The following RBFOX1 variants were observed in gnomAD, a reference collection of about 807,000 sequenced individuals.
The protein encoded by RBFOX1 is RNA binding protein fox-1 homolog 1.
Under a neutral mutation model 57.7 loss-of-function variants are expected in RBFOX1, and 8 were observed. The ratio of observed to expected loss-of-function variants is 0.14; its 90% confidence interval spans 0.08 to 0.25. RBFOX1 has a LOEUF of 0.25. Ranked by LOEUF, RBFOX1 falls within the 10% of genes least tolerant of loss-of-function variation. The pLI is 1.00. For missense variants in RBFOX1, 611 were observed against 548.5 expected (o/e 1.11, Z -1.14); for synonymous variants, 326 against 222.4 (o/e 1.47, Z -4.15).
intron 4 of RBFOX1, among the ~76,000 whole-genome samples, chr16:7,116,419 G>C (rs900831100): frequency 6.6e-6 from 1 of 152,102 alleles, no homozygotes; most frequent in Non-Finnish European, 1.5e-5. Flanking sequence ...CAATATTGCA[G>C]TGAAATGCAC....
chr16:6,629,959 GTT>G (rs544517566), intron 2 of RBFOX1, among the ~76,000 whole-genome samples: 2 of 134,448 alleles, frequency 1.5e-5, no homozygotes, highest in Admixed American at 7.5e-5. Flanking sequence ...ATTTCGGTAG[GTT>G]TTTTTTTTTT....
At chr16:6,340,389 C>A (rs1479503502) in intron 2 of RBFOX1, among the ~76,000 whole-genome samples, 20 of 151,978 alleles carry the variant, frequency 1.3e-4, no homozygotes, top group Admixed American at 1.3e-3. Context: ...TAATTTAGGG[C>A]AAATCCACAG....
At chr16:6,264,958 G>A (rs962221171) in intron 1 of RBFOX1, among the ~76,000 whole-genome samples, 3 of 152,182 alleles carry the variant, frequency 2.0e-5, no homozygotes, top group African/African-American at 2.4e-5. Flanking sequence ...TGTGGGAACC[G>A]ACTCTGATAA....
chr16:6,456,980 G>T (rs1026767884), intron 2 of RBFOX1, among the ~76,000 whole-genome samples: 1 of 152,140 alleles, frequency 6.6e-6, no homozygotes, highest in Non-Finnish European at 1.5e-5. Context: ...CTTAGGAGAA[G>T]ATAGATGTTA....
At chr16:5,802,025 G>GA (rs763216337) in intron 3 of RBFOX1, among the ~76,000 whole-genome samples, 9 of 152,118 alleles carry the variant, frequency 5.9e-5, no homozygotes, top group Non-Finnish European at 1.3e-4. Context: ...AGGAAGAGGA[G>GA]ACCTTGACGG....
At chr16:5,926,445 G>A (rs1250000351) in intron 4 of RBFOX1, among the ~76,000 whole-genome samples, 6 of 152,166 alleles carry the variant, frequency 3.9e-5, no homozygotes, top group Admixed American at 3.9e-4. Flanking sequence ...GGAATCTAGT[G>A]TAGGCAGGGC....
rs576311802 is a variant in RBFOX1 at position 6,249,779 on chromosome 16, T to TC, written c.-126-67216_-126-67215insC. 1.7e-4 allele frequency among the ~76,000 whole-genome samples: 26 copies of TC among 151,264 alleles called. 2 individuals are homozygous for TC. Among genetic ancestry groups the TC allele is most frequent in the South Asian group, 1.3e-3 (6 of 4,762 alleles). On this transcript the variant is annotated intron_variant, in intron 1 of 15. Coordinates refer to ENST00000550418, the MANE Select transcript of RBFOX1 (RefSeq NM_018723.4). ...CAGCTTCACATTTTTTTTCTTTTTT[T>TC]TTTTTTTTATTATACTTTAAGTTTT...
At position 6,538,855 on chromosome 16, in the gene RBFOX1, C is replaced by G. The variant is rs1380023017; in HGVS notation, c.-63-115748C>G. On this transcript the variant is annotated intron_variant, in intron 2 of 15. Coordinates refer to ENST00000550418, the MANE Select transcript of RBFOX1 (RefSeq NM_018723.4). ...TTCAGTAGCCAATGTAAAATGGTGC[C>G]AAACTTACTATTTTAGATTGAAGGG... is the stretch of plus-strand genomic sequence containing the variant. Among the ~76,000 whole-genome samples the G allele has an allele frequency of 2.6e-5, 4 of 152,074 alleles. No individual in the cohort carries two copies. The South Asian group carries it at 8.3e-4, about 32-fold the overall frequency.
chr16:7,013,029 C>T (rs1568367500), intron 3 of RBFOX1, among the ~76,000 whole-genome samples: 1 of 152,084 alleles, frequency 6.6e-6, no homozygotes, highest in Non-Finnish European at 1.5e-5. Context: ...AAAGCAAGCC[C>T]TCTCTTTCTC....
chr16:7,463,579 G>C (rs557962889), intron 4 of RBFOX1, among the ~76,000 whole-genome samples: 1 of 152,110 alleles, frequency 6.6e-6, no homozygotes, highest in Non-Finnish European at 1.5e-5. Flanking sequence ...TTAAGGCCCC[G>C]TCTTCTAATA....
rs1181907817 is a variant in RBFOX1, at chr16:6,816,737, CA to C, written c.-16+162103del. On this transcript the variant is annotated intron_variant, in intron 3 of 15. Transcript: ENST00000550418. ...CCTGGGTGACAGAGCAAGACTGTCT[CA>C]AAAAAAAAAAAAAAAGGAAGAAAAG... is the stretch of plus-strand genomic sequence containing the variant. Among the ~76,000 whole-genome samples, 277 of 95,598 alleles carry C rather than the reference CA, an allele frequency of 2.9e-3. 1 individual carries two copies. Among genetic ancestry groups the C allele is most frequent in the East Asian group, 0.01 (32 of 3,200 alleles). 62.7% of individuals were successfully genotyped at this position (95,598 alleles called of 152,430 possible).
At chr16:7,158,948 C>T (rs573864683) in intron 4 of RBFOX1, among the ~76,000 whole-genome samples, 70 of 152,022 alleles carry the variant, frequency 4.6e-4, no homozygotes, top group African/African-American at 1.7e-3. Flanking sequence ...TTCATGTGGC[C>T]ACCAACACAG....
chr16:6,659,204 C>G (rs975822454), intron 3 of RBFOX1, among the ~76,000 whole-genome samples: 7 of 148,994 alleles, frequency 4.7e-5, no homozygotes, highest in Admixed American at 1.4e-4. Flanking sequence ...ATGGATCAGT[C>G]AGGGGGAGAA....
intron 3 of RBFOX1, 46 bp downstream of exon 3, chr16:6,654,696 C>A: frequency 7.0e-7 from 1 of 1,428,144 alleles, no homozygotes; most frequent in South Asian, 1.4e-5. Flanking sequence ...AAAACAAGAA[C>A]TCTGTGAATT....
intron 4 of RBFOX1, among the ~76,000 whole-genome samples, chr16:7,495,284 T>C (rs969127513): frequency 5.3e-5 from 8 of 152,226 alleles, no homozygotes; most frequent in African/African-American, 1.9e-4. Context: ...AACATACTTG[T>C]GCAGGTGTCT....
At chr16:5,721,003 C>A (rs1339318388) in intron 3 of RBFOX1, among the ~76,000 whole-genome samples, 1 of 152,126 alleles carries the variant, frequency 6.6e-6, no homozygotes, top group African/African-American at 2.4e-5. Flanking sequence ...TGTGTTAAAT[C>A]TGTAGATCAA....
At chr16:6,180,382 T>G (rs568914660) in intron 1 of RBFOX1, among the ~76,000 whole-genome samples, 1 of 152,208 alleles carries the variant, frequency 6.6e-6, no homozygotes, top group African/African-American at 2.4e-5. Flanking sequence ...TTTTTTTCAT[T>G]TTATCTAGGT....
At chr16:6,461,698 A>T (rs11645395) in intron 2 of RBFOX1, among the ~76,000 whole-genome samples, 19,314 of 151,948 alleles carry the variant, frequency 0.13, 2,063 homozygotes, top group East Asian at 0.45. Context: ...ATGGAAGATT[A>T]TTTTTTTTCT....
chr16:5,702,832 A>G (rs74004502), intron 3 of RBFOX1, among the ~76,000 whole-genome samples: 1 of 152,162 alleles, frequency 6.6e-6, no homozygotes, highest in Admixed American at 6.5e-5. Context: ...GTAAATGCTC[A>G]TGTTTTTAGA....
Sources: gnomAD v4.1 joint callset for allele counts (sites outside exome capture counted in the v4.1 genomes callset) on GRCh38, gnomAD v4.1.1 for gene constraint, MANE v1.5 for transcripts, NCBI Gene and HGNC (gene_info 2026-07-23, HGNC 2026-07-21) for gene names.